ANGPT1: variants seen among roughly 807,000 people sequenced by gnomAD.
ANGPT1 encodes the protein angiopoietin-1.
A neutral mutation model predicts 62.2 loss-of-function variants in ANGPT1; 17 were observed. The ratio of observed to expected loss-of-function variants is 0.27; its 90% CI spans 0.19 to 0.41. The LOEUF is 0.41. Among genes scored for constraint, ANGPT1 ranks in the 10% least tolerant of loss-of-function variants. ANGPT1 has a pLI of 1.00. For missense variants in ANGPT1, 478 were observed against 594.9 expected, an observed-to-expected ratio of 0.80 and a Z score of 2.04; for synonymous variants, 199 against 198.9, an observed-to-expected ratio of 1.00 and a Z score of 0.00.
intron 1 of ANGPT1, among the ~76,000 whole-genome samples, chr8:107,354,461 G>A (rs1453919162): frequency 6.6e-6 from 1 of 152,022 alleles, no homozygotes; most frequent in Non-Finnish European, 1.5e-5. Flanking sequence ...GGCTGGATTC[G>A]ATCATTTCTA....
At chr8:107,379,793 A>G (rs940598209) in intron 1 of ANGPT1, among the ~76,000 whole-genome samples, 1 of 152,186 alleles carries the variant, frequency 6.6e-6, no homozygotes, top group African/African-American at 2.4e-5. Context: ...GGAAGATGAC[A>G]GTTATTAAGA....
chr8:107,399,368 TATAAC>T (rs1392022073), intron 1 of ANGPT1, among the ~76,000 whole-genome samples: 2 of 152,322 alleles, frequency 1.3e-5, no homozygotes, highest in East Asian at 3.9e-4. Context: ...CCAAGAATGT[TATAAC>T]ATGTTAAGTA....
At chr8:107,417,839 G>T (rs1321837967) in intron 1 of ANGPT1, among the ~76,000 whole-genome samples, 2 of 152,162 alleles carry the variant, frequency 1.3e-5, no homozygotes, top group East Asian at 1.9e-4. Context: ...TAAGGCATTT[G>T]CAACATTGAA....
intron 1 of ANGPT1, among the ~76,000 whole-genome samples, chr8:107,423,867 G>A (rs1219889378): frequency 9.9e-6 from 1 of 100,696 alleles, no homozygotes; most frequent in Non-Finnish European, 1.8e-5. Flanking sequence ...CTGAGACAGA[G>A]TCTTGCTCTG....
intron 3 of ANGPT1, among the ~76,000 whole-genome samples, chr8:107,324,641 G>C (rs961936607): frequency 1.3e-5 from 2 of 152,138 alleles, no homozygotes; most frequent in African/African-American, 4.8e-5. Flanking sequence ...AACTACTCCT[G>C]GGCATTCCAA....
intron 1 of ANGPT1, among the ~76,000 whole-genome samples, chr8:107,422,715 G>T (rs1810923372): frequency 6.6e-6 from 1 of 152,068 alleles, no homozygotes; most frequent in Non-Finnish European, 1.5e-5. Context: ...TACATCTAGA[G>T]TTTCCTTAGC....
chr8:107,403,409 C>T (rs1002046568), intron 1 of ANGPT1, among the ~76,000 whole-genome samples: 9 of 152,122 alleles, frequency 5.9e-5, no homozygotes, highest in South Asian at 4.1e-4. Context: ...TTATGGGAGG[C>T]AAGATTTGCC....
intron 1 of ANGPT1, among the ~76,000 whole-genome samples, chr8:107,423,441 A>G (rs1395600981): frequency 6.6e-6 from 1 of 152,126 alleles, no homozygotes; most frequent in African/African-American, 2.4e-5. Context: ...ATGGATGTGG[A>G]GATACAAAGA....
At chr8:107,276,050 G>T (rs183464490) in intron 7 of ANGPT1, among the ~76,000 whole-genome samples, 26 of 152,208 alleles carry the variant, frequency 1.7e-4, no homozygotes, top group Admixed American at 1.5e-3. Context: ...CCTAAAGAAG[G>T]TGCAAAGTGA....
intron 4 of ANGPT1, among the ~76,000 whole-genome samples, chr8:107,317,337 C>T (rs534899430): frequency 6.6e-6 from 1 of 151,842 alleles, no homozygotes; most frequent in Admixed American, 6.6e-5. Flanking sequence ...CAGAACAGAA[C>T]AGTTGCTGCA....
chr8:107,425,075 A>G (rs1431370370), intron 1 of ANGPT1, among the ~76,000 whole-genome samples: 1 of 152,108 alleles, frequency 6.6e-6, no homozygotes, highest in African/African-American at 2.4e-5. Flanking sequence ...GGGTTTCACC[A>G]TCTTGGCCAG....
intron 1 of ANGPT1, among the ~76,000 whole-genome samples, chr8:107,357,765 C>A (rs983912401): frequency 3.9e-5 from 6 of 152,098 alleles, no homozygotes; most frequent in Non-Finnish European, 8.8e-5. Flanking sequence ...AGTTTGAAAG[C>A]CTTAACAATT....
chr8:107,453,555 C>A (rs1811838405), intron 1 of ANGPT1, among the ~76,000 whole-genome samples: 1 of 151,996 alleles, frequency 6.6e-6, no homozygotes, highest in African/African-American at 2.4e-5. Flanking sequence ...ATGGGAAAGC[C>A]CTGCCCCCAT....
intron 1 of ANGPT1, among the ~76,000 whole-genome samples, chr8:107,378,370 G>T (rs1271943393): frequency 6.6e-6 from 1 of 152,170 alleles, no homozygotes; most frequent in Non-Finnish European, 1.5e-5. Context: ...TCTCCAGTGA[G>T]CATCTGTGTA....
At chr8:107,419,301 T>C (rs1024984975) in intron 1 of ANGPT1, among the ~76,000 whole-genome samples, 2 of 152,134 alleles carry the variant, frequency 1.3e-5, no homozygotes, top group African/African-American at 4.8e-5. Context: ...TCTCTGACCC[T>C]TTCTCTGAAG....
At chr8:107,417,070 T>G (rs776459375) in intron 1 of ANGPT1, among the ~76,000 whole-genome samples, 1 of 152,134 alleles carries the variant, frequency 6.6e-6, no homozygotes, top group Non-Finnish European at 1.5e-5. Context: ...ATTACAGGTA[T>G]GAGCCACCGT....
intron 1 of ANGPT1, among the ~76,000 whole-genome samples, chr8:107,401,725 G>T (rs1817050961): frequency 6.6e-6 from 1 of 152,132 alleles, no homozygotes; most frequent in Admixed American, 6.5e-5. Flanking sequence ...GCGGAATTCA[G>T]ATTTGAATGT....
chr8:107,299,706 T>A, intron 5 of ANGPT1, among the ~76,000 whole-genome samples: 1 of 133,260 alleles, frequency 7.5e-6, no homozygotes, highest in East Asian at 2.2e-4. Flanking sequence ...TATACTATAC[T>A]ATATATACTA....
At chr8:107,402,217 A>G (rs977888188) in intron 1 of ANGPT1, among the ~76,000 whole-genome samples, 1 of 152,152 alleles carries the variant, frequency 6.6e-6, no homozygotes, top group Non-Finnish European at 1.5e-5. Flanking sequence ...TTTTTAACGC[A>G]CTGCCAATCC....
Sources: gnomAD v4.1 joint callset for allele counts (sites outside exome capture counted in the v4.1 genomes callset) on GRCh38, gnomAD v4.1.1 for gene constraint, MANE v1.5 for transcripts, NCBI Gene and HGNC (gene_info 2026-07-23, HGNC 2026-07-21) for gene names.